UNC5C: variants seen among roughly 807,000 people sequenced by gnomAD.
UNC5C encodes the protein unc-5 netrin receptor C.
A neutral mutation model predicts 99.8 loss-of-function variants in UNC5C; 47 were observed. That is an observed-to-expected ratio of 0.47 (90% CI 0.37 to 0.60). The LOEUF is 0.60. Ranked by LOEUF, UNC5C falls within the 20% of genes least tolerant of loss-of-function variation. UNC5C has a pLI of 0.00. For missense variants in UNC5C, 1,062 were observed against 1,165.9 expected (o/e 0.91, Z 1.30); for synonymous variants, 487 against 452.2 (o/e 1.08, Z -0.98).
At chr4:95,330,258 A>G (rs1482665726) in intron 2 of UNC5C, among the ~76,000 whole-genome samples, 1 of 152,004 alleles carries the variant, frequency 6.6e-6, no homozygotes, top group Non-Finnish European at 1.5e-5. Flanking sequence ...TCATTACTCT[A>G]CTATTTAAGA....
At chr4:95,255,170 G>T (rs1343328626) in intron 4 of UNC5C, among the ~76,000 whole-genome samples, 1 of 151,920 alleles carries the variant, frequency 6.6e-6, no homozygotes, top group African/African-American at 2.4e-5. Context: ...AGTAGAAATA[G>T]GGTTTCACCA....
chr4:95,371,484 G>A lies in UNC5C; in HGVS notation c.125-35853C>T, dbSNP rs115357108. On this transcript the variant is annotated intron_variant, in intron 1 of 15. Coordinates refer to ENST00000453304, the MANE Select transcript of UNC5C (RefSeq NM_003728.4). Reference sequence around the variant, plus strand: ...AGTTGGAAAAGATGAAAACTGATAGGAAGATGCAGCATAATCTGATGGTTT... The same window carrying A: ...AGTTGGAAAAGATGAAAACTGATAGAAAGATGCAGCATAATCTGATGGTTT... 6.2e-3 allele frequency among the ~76,000 whole-genome samples: 935 copies of A among 151,758 alleles called. 11 individuals carry two copies. The highest frequency in any genetic ancestry group is 0.022 in the African/African-American group (893 of 41,392).
intron 7 of UNC5C, among the ~76,000 whole-genome samples, chr4:95,229,132 A>G (rs934376587): frequency 6.6e-6 from 1 of 152,032 alleles, no homozygotes; most frequent in Non-Finnish European, 1.5e-5. Flanking sequence ...AGAAAATTCC[A>G]TTTTTTTTAA....
chr4:95,344,501 G>A (rs950953704), intron 1 of UNC5C, among the ~76,000 whole-genome samples: 21 of 151,920 alleles, frequency 1.4e-4, no homozygotes, highest in Admixed American at 5.3e-4. Flanking sequence ...TTATCTGAAG[G>A]TGCAAAACTG....
intron 1 of UNC5C, among the ~76,000 whole-genome samples, chr4:95,483,495 A>T (rs567094669): frequency 2.0e-5 from 3 of 151,978 alleles, no homozygotes; most frequent in African/African-American, 7.2e-5. Flanking sequence ...TTTTGTATAT[A>T]AAATGGCATT....
chr4:95,317,247 T>A (rs1477127630), intron 2 of UNC5C, among the ~76,000 whole-genome samples: 1 of 152,174 alleles, frequency 6.6e-6, no homozygotes, highest in Non-Finnish European at 1.5e-5. Context: ...AGTTTAGTAG[T>A]TGCAGATGAA....
intron 10 of UNC5C, among the ~76,000 whole-genome samples, chr4:95,214,663 G>A (rs571740489): frequency 6.6e-6 from 1 of 152,184 alleles, no homozygotes; most frequent in Non-Finnish European, 1.5e-5. Flanking sequence ...GAAAATAGGA[G>A]AGCTCAGGCA....
intron 12 of UNC5C, among the ~76,000 whole-genome samples, chr4:95,193,783 A>T (rs919544427): frequency 6.6e-6 from 1 of 151,986 alleles, no homozygotes; most frequent in Non-Finnish European, 1.5e-5. Flanking sequence ...TCAGCCCCCC[A>T]TGCTCTGTCC....
At chr4:95,392,160 A>T (rs113701534) in intron 1 of UNC5C, among the ~76,000 whole-genome samples, 4 of 152,230 alleles carry the variant, frequency 2.6e-5, no homozygotes, top group African/African-American at 9.6e-5. Flanking sequence ...AGCTAACCTT[A>T]AAAACTGGGT....
intron 1 of UNC5C, among the ~76,000 whole-genome samples, chr4:95,494,587 T>C (rs1330813114): frequency 6.6e-6 from 1 of 151,470 alleles, no homozygotes; most frequent in East Asian, 1.9e-4. Context: ...TTAAACACAA[T>C]TCTTAAAATT....
intron 1 of UNC5C, among the ~76,000 whole-genome samples, chr4:95,443,128 C>T (rs2149464239): frequency 6.6e-6 from 1 of 152,198 alleles, no homozygotes; most frequent in Non-Finnish European, 1.5e-5. Flanking sequence ...GCTATAAGAA[C>T]ATCCCAAGGA....
chr4:95,407,798 T>C lies in UNC5C; in HGVS notation c.125-72167A>G, dbSNP rs371910972. Reference sequence around the variant, plus strand: ...ATCCAAAAGGCGTTATATTACTGTATTGGGCAGCTAGGAGAGGGGAGCATA... The same window carrying C: ...ATCCAAAAGGCGTTATATTACTGTACTGGGCAGCTAGGAGAGGGGAGCATA... On this transcript the variant is annotated intron_variant, in intron 1 of 15. Coordinates refer to ENST00000453304, the MANE Select transcript of UNC5C (RefSeq NM_003728.4). 9.9e-5 allele frequency among the ~76,000 whole-genome samples: 15 copies of C among 152,268 alleles called. No homozygotes were observed. The South Asian group carries it at 1.9e-3, about 19-fold the overall frequency.
chr4:95,269,672 T>C (rs1740583784), intron 4 of UNC5C, among the ~76,000 whole-genome samples: 1 of 152,060 alleles, frequency 6.6e-6, no homozygotes. Context: ...TTGATGTAGA[T>C]AATCTATGTA....
At chr4:95,315,397 G>T (rs1225189832) in intron 2 of UNC5C, among the ~76,000 whole-genome samples, 1 of 152,076 alleles carries the variant, frequency 6.6e-6, no homozygotes, top group Non-Finnish European at 1.5e-5. Context: ...AACTTGTAAT[G>T]TCTTTATGTC....
chr4:95,267,612 T>C (rs1740495221), intron 4 of UNC5C, among the ~76,000 whole-genome samples: 1 of 152,190 alleles, frequency 6.6e-6, no homozygotes, highest in African/African-American at 2.4e-5. Context: ...CAAAAAGCTT[T>C]ATCTTCTGAT....
chr4:95,267,552 A>G (rs1315754349), intron 4 of UNC5C, among the ~76,000 whole-genome samples: 1 of 152,202 alleles, frequency 6.6e-6, no homozygotes, highest in Non-Finnish European at 1.5e-5. Flanking sequence ...AGCATTTAGG[A>G]ATGTGAGCCA....
intron 1 of UNC5C, among the ~76,000 whole-genome samples, chr4:95,430,339 C>T (rs1746601833): frequency 6.6e-6 from 1 of 152,034 alleles, no homozygotes; most frequent in Non-Finnish European, 1.5e-5. Flanking sequence ...AAATAATTTT[C>T]AGTCGGAAGG....
At chr4:95,450,169 C>T (rs942740327) in intron 1 of UNC5C, among the ~76,000 whole-genome samples, 18 of 152,192 alleles carry the variant, frequency 1.2e-4, no homozygotes, top group Non-Finnish European at 2.4e-4. Flanking sequence ...TGCATCTAGG[C>T]ATTATAGGTA....
chr4:95,174,187 A>T (rs1470260163), intron 14 of UNC5C, among the ~76,000 whole-genome samples: 1 of 152,092 alleles, frequency 6.6e-6, no homozygotes, highest in Admixed American at 6.5e-5. Flanking sequence ...CCTTTAAAAA[A>T]ACCAGCTACT....
Sources: allele counts gnomAD v4.1 joint callset (sites outside exome capture counted in the v4.1 genomes callset), GRCh38; gene constraint gnomAD v4.1.1; transcripts MANE v1.5; gene names NCBI Gene and HGNC (gene_info 2026-07-23, HGNC 2026-07-21).